The following MIEF1 variants were observed in gnomAD, a reference collection of about 807,000 sequenced individuals.
MIEF1 encodes mitochondrial dynamics protein MIEF1.
In MIEF1, 14 loss-of-function variants were observed where a neutral mutation model predicts 35.1. The observed-to-expected ratio is 0.40, with a 90% confidence interval of 0.26 to 0.62. MIEF1 has a LOEUF of 0.62. MIEF1 is among the 20% of genes least tolerant of loss of function. The pLI is 0.43. For missense variants in MIEF1, 542 were observed against 615.4 expected, an observed-to-expected ratio of 0.88 and a Z score of 1.26; for synonymous variants, 245 against 254.3, an observed-to-expected ratio of 0.96 and a Z score of 0.35.
In MIEF1 at chr22:39,513,537, C is replaced by A; in HGVS notation, c.606C>A (p.Ile202=). 6.2e-7 allele frequency: 1 copy of A among 1,614,126 alleles called. No individual in the cohort carries two copies. The change falls in exon 6 of 6, where the codon ATC becomes ATA. Residue 202 remains isoleucine (I), a synonymous_variant. Transcript: ENST00000325301. ...GACAGGTGGTGACAGCTGACCACAT[C>A]CAACTCATTGTGCCCCTTGTGCTGG... is the stretch of plus-strand genomic sequence containing the variant. ...DDLQVVTADH[I]QLIVPLVLEQ... is the part of the protein sequence containing the mutation.
rs1477211135 is a variant in MIEF1 at position 39,511,339 on chromosome 22, C to T, written c.45C>T (p.Gly15=). 5.0e-6 allele frequency: 8 copies of T among 1,613,920 alleles called. No homozygotes were observed. Among genetic ancestry groups the T allele is most frequent in the Non-Finnish European group, 6.8e-6 (8 of 1,179,906 alleles). ...GCAAAGGCAAGAAGGATGACAATGG[C>T]ATTGGCACGGCCATTGACTTTGTGC... ...GERKGKKDDN[G]IGTAIDFVLS... The change falls in exon 3 of 6, where the codon GGC becomes GGT. Residue 15 remains glycine, a synonymous_variant. Transcript: ENST00000325301.
upstream of MIEF1, chr22:39,501,704 T>A (rs1423123372): frequency 3.3e-5 from 5 of 152,220 alleles, no homozygotes; most frequent in African/African-American, 1.2e-4. Context: ...TGTGCAGACA[T>A]TTCCGTGGGG....
At chr22:39,503,463 A>C (rs1195581740) in intron 1 of MIEF1, 8 of 152,232 alleles carry the variant, frequency 5.3e-5, no homozygotes. Context: ...CTTTACAGAT[A>C]TGCTTGTGTA....
At position 39,517,497 on chromosome 22, in the gene MIEF1, A is replaced by C. The variant is rs559006333; in HGVS notation, c.*3174A>C. On this transcript the variant is annotated 3_prime_UTR_variant, in exon 6 of 6. Coordinates refer to ENST00000325301, the MANE Select transcript of MIEF1 (RefSeq NM_019008.6). ...GCACTCCACTCAAGTTGAGAGTTCA[A>C]ATAGTCTTGAAGGGGAATCAGCTTC... 5 of 470,680 alleles carry C rather than the reference A, an allele frequency of 1.1e-5. No homozygotes were observed. Among genetic ancestry groups the C allele is most frequent in the Admixed American group, 2.4e-5 (1 of 42,530 alleles). The allele number at this position is 470,680 out of a possible 1,614,324, so 29.2% of individuals were successfully genotyped here.
Position 39,504,191 on chromosome 22 carries a change from T to C in MIEF1, c.-339-12T>C. The C allele has an allele frequency of 5.0e-6, 2 of 399,050 alleles. No individual in the cohort carries two copies. The allele number at this position is 399,050 out of a possible 1,614,324, so 24.7% of individuals were successfully genotyped here. Reference sequence around the variant, plus strand: ...TGATACTAGGCTTGTATGTCTTTCCTTCTGTTTATAGTGTGACACCCAGCC... The same window carrying C: ...TGATACTAGGCTTGTATGTCTTTCCCTCTGTTTATAGTGTGACACCCAGCC... On this transcript the variant is annotated splice_polypyrimidine_tract_variant and intron_variant, in intron 1 of 5. Coordinates refer to ENST00000325301, the MANE Select transcript of MIEF1 (RefSeq NM_019008.6).
Position 39,514,427 on chromosome 22 carries a change from G to A in MIEF1, c.*104G>A. 8.8e-7 allele frequency: 1 copy of A among 1,132,690 alleles called. No individual in the cohort carries two copies. Among genetic ancestry groups the A allele is most frequent in the Non-Finnish European group, 1.3e-6 (1 of 780,370 alleles). 70.2% of individuals were successfully genotyped at this position (1,132,690 alleles called of 1,614,324 possible). ...CCTCACAGGGTTCCTGCTGCCTGGT[G>A]TCTTGCTGATCATCACCCTGGTCAC... On this transcript the variant is annotated 3_prime_UTR_variant, in exon 6 of 6. Coordinates refer to ENST00000325301, the MANE Select transcript of MIEF1 (RefSeq NM_019008.6).
rs1240607999 is a variant in MIEF1, at chr22:39,515,475, G to A, written c.*1152G>A. On this transcript the variant is annotated 3_prime_UTR_variant, in exon 6 of 6. Transcript: ENST00000325301. ...GGTGTTTGCTGAGCGCTCCGGGCACGGCCAGAGGGCAAGTGAGCATGCACG... is the reference window on the plus strand; with the variant it reads ...GGTGTTTGCTGAGCGCTCCGGGCACAGCCAGAGGGCAAGTGAGCATGCACG... 2 of 646,036 alleles carry A rather than the reference G, an allele frequency of 3.1e-6. No homozygotes were observed. Among genetic ancestry groups the A allele is most frequent in the African/African-American group, 1.8e-5 (1 of 55,062 alleles). The allele number at this position is 646,036 out of a possible 1,614,324, so 40.0% of individuals were successfully genotyped here. A position where few individuals can be genotyped will look rare whatever the true frequency, so the allele number is the denominator to read the frequency against.
intron 1 of MIEF1, chr22:39,503,723 G>T (rs1929870064): frequency 6.6e-6 from 1 of 152,394 alleles, no homozygotes; most frequent in African/African-American, 2.4e-5. Flanking sequence ...TCACAGAGAG[G>T]TTAGGAGACT....
upstream of MIEF1, chr22:39,502,139 C>T (rs1244164159): frequency 6.6e-6 from 1 of 152,270 alleles, no homozygotes; most frequent in Non-Finnish European, 1.5e-5. Context: ...ACACCGGAGT[C>T]CTCTGGGGGC....
At chr22:39,513,468 C>T in intron 5 of MIEF1, 49 bp from the exon 6 acceptor site, 1 of 1,564,656 alleles carries the variant, frequency 6.4e-7, no homozygotes, top group Non-Finnish European at 8.7e-7. Context: ...GGAAGCATGT[C>T]TTTTGAACAG....
At chr22:39,507,236 C>T (rs1930060742) in intron 2 of MIEF1, among the ~76,000 whole-genome samples, 1 of 152,016 alleles carries the variant, frequency 6.6e-6, no homozygotes, top group African/African-American at 2.4e-5. Context: ...GCCTATTGCA[C>T]TACAGTAGGA....
At position 39,512,326 on chromosome 22, in the gene MIEF1, TCTTA is replaced by T. The variant is rs1930388665; in HGVS notation, c.424_427del (p.Tyr142ThrfsTer44). ...TCCGCATGTCCCTGCAGGAGAAACT[TCTTA>T]CTTACTACCGGAACCGGGCAGCCAT... On this transcript the variant is annotated frameshift_variant, in exon 5 of 6. Transcript: ENST00000325301. LOFTEE classifies it high-confidence loss of function. 2.5e-6 allele frequency: 4 copies of T among 1,614,206 alleles called. No individual in the cohort carries two copies. The highest frequency in any genetic ancestry group is 2.2e-5 in the South Asian group (2 of 91,086).
At chr22:39,513,181 A>G (rs1044505360) in intron 5 of MIEF1, among the ~76,000 whole-genome samples, 6 of 150,330 alleles carry the variant, frequency 4.0e-5, no homozygotes, top group African/African-American at 1.5e-4. Flanking sequence ...GCTCACTGCA[A>G]CCTCCGCCTC....
Position 39,513,729 on chromosome 22 carries a change from T to G in MIEF1, c.798T>G (p.Phe266Leu). Residue 266 changes from phenylalanine (F) to leucine (L), a missense_variant, in exon 6 of 6, where the codon TTT becomes TTG. Phe to Leu is a conservative substitution (Grantham distance 22). Coordinates refer to ENST00000325301, the MANE Select transcript of MIEF1 (RefSeq NM_019008.6). ...YLSPKTVADT[F>L]EKVVAGSINW... ...CTCCAAAGACAGTCGCAGATACATT[T>G]GAGAAGGTAGTGGCTGGCTCCATCA... The G allele has an allele frequency of 6.2e-7, 1 of 1,614,156 alleles. No homozygotes were observed. The highest frequency in any genetic ancestry group is 8.5e-7 in the Non-Finnish European group (1 of 1,180,018).
rs1930511763 is a variant in MIEF1 at position 39,513,943 on chromosome 22, C to T, written c.1012C>T (p.Arg338Trp). The T allele has an allele frequency of 5.0e-6, 8 of 1,613,358 alleles. No individual in the cohort carries two copies. Among genetic ancestry groups the T allele is most frequent in the South Asian group, 1.1e-5 (1 of 91,086 alleles). The change falls in exon 6 of 6, where the codon CGG becomes TGG. Residue 338 changes from arginine to tryptophan, a missense_variant. Physicochemically the swap from Arg to Trp is moderately radical, Grantham distance 101. Transcript: ENST00000325301. ...GCTAGCCCAGTATGACAACCTGTGG[C>T]GGCTGAGCCTGCGTCCCGCGGAGAC... is the stretch of plus-strand genomic sequence containing the variant. ...HRLAQYDNLW[R>W]LSLRPAETAR... is the part of the protein sequence containing the mutation.
intron 2 of MIEF1, among the ~76,000 whole-genome samples, chr22:39,505,825 A>T (rs187161054): frequency 1.3e-5 from 2 of 152,214 alleles, no homozygotes; most frequent in Admixed American, 6.5e-5. Context: ...CAGCAGTGGG[A>T]CTTGGTGATC....
At chr22:39,502,122 G>A (rs1021587833), upstream of MIEF1, 1 of 152,278 alleles carries the variant, frequency 6.6e-6, no homozygotes, top group Non-Finnish European at 1.5e-5. Context: ...CCCACAGCCG[G>A]ACCCGGACAC....
At chr22:39,513,400 G>A (rs1048289518) in intron 5 of MIEF1, 117 bp from the exon 6 acceptor site, 73 of 1,106,344 alleles carry the variant, frequency 6.6e-5, no homozygotes, top group Non-Finnish European at 8.9e-5. Context: ...CACTGCGCCC[G>A]GCCTAGAGTT....
At chr22:39,501,113 C>A (rs1283988152), upstream of MIEF1, among the ~76,000 whole-genome samples, 2 of 152,180 alleles carry the variant, frequency 1.3e-5, no homozygotes, top group African/African-American at 2.4e-5. Context: ...TGGCTCTGAA[C>A]CCTGCTGTGG....
Sources: allele counts gnomAD v4.1 joint callset (sites outside exome capture counted in the v4.1 genomes callset), GRCh38; gene constraint gnomAD v4.1.1; transcripts MANE v1.5; gene names NCBI Gene and HGNC (gene_info 2026-07-23, HGNC 2026-07-21).